The following KAZN variants were observed in gnomAD, a reference collection of about 807,000 sequenced individuals.
KAZN encodes the protein kazrin, periplakin interacting protein.
A neutral mutation model predicts 87.4 loss-of-function variants in KAZN; 40 were observed. That is an observed-to-expected ratio of 0.46 (90% CI 0.36 to 0.60). KAZN has a LOEUF of 0.60. KAZN is among the 20% of genes least tolerant of loss of function. The probability of loss-of-function intolerance (pLI) is 0.00; values close to 1 mark genes in which losing one functional copy is unlikely to be tolerated. For missense variants in KAZN, 898 were observed against 1,073.9 expected (o/e 0.84, Z 2.29); for synonymous variants, 466 against 458.3 (o/e 1.02, Z -0.22).
At chr1:15,075,369 A>G (rs1557781246) in intron 8 of KAZN, among the ~76,000 whole-genome samples, 1 of 152,194 alleles carries the variant, frequency 6.6e-6, no homozygotes, top group Non-Finnish European at 1.5e-5. Flanking sequence ...TTCACTTATT[A>G]AGGCTCTGAC....
intron 1 of KAZN, among the ~76,000 whole-genome samples, chr1:14,762,908 A>G (rs554836620): frequency 6.6e-6 from 1 of 152,316 alleles, no homozygotes; most frequent in East Asian, 1.9e-4. Flanking sequence ...TTGAGATAGA[A>G]GGTGCCTTTA....
rs72639854 is a variant in KAZN, at chr1:15,050,321, T to A, written c.727-5770T>A. 8.6e-3 allele frequency among the ~76,000 whole-genome samples: 1,314 copies of A among 152,210 alleles called. 10 individuals carry two copies. The highest frequency in any genetic ancestry group is 0.03 in the East Asian group (156 of 5,156). ...CAGCGTTCACAGCTCTGTGCTGAGG[T>A]TGCTCTAGAGCCACCCTGTCCTCAG... On this transcript the variant is annotated intron_variant, in intron 4 of 14. Coordinates refer to ENST00000376030, the MANE Select transcript of KAZN (RefSeq NM_201628.3).
intron 2 of KAZN, among the ~76,000 whole-genome samples, chr1:14,534,460 C>T (rs1216065752): frequency 6.6e-6 from 1 of 152,122 alleles, no homozygotes; most frequent in Non-Finnish European, 1.5e-5. Flanking sequence ...GCCTGGCCAA[C>T]ATGGCGAAAC....
chr1:14,156,791 G>A (rs1026594517), intron 1 of KAZN, among the ~76,000 whole-genome samples: 1 of 152,044 alleles, frequency 6.6e-6, no homozygotes, highest in African/African-American at 2.4e-5. Flanking sequence ...AGGCCATTCA[G>A]CCACTCTATT....
chr1:14,756,107 G>C (rs939859706), intron 1 of KAZN, among the ~76,000 whole-genome samples: 12 of 152,150 alleles, frequency 7.9e-5, no homozygotes, highest in African/African-American at 2.9e-4. Context: ...CTCATAACAA[G>C]CCCATCACAA....
chr1:14,760,167 C>A (rs755835371), intron 1 of KAZN, among the ~76,000 whole-genome samples: 1 of 152,114 alleles, frequency 6.6e-6, no homozygotes, highest in Non-Finnish European at 1.5e-5. Context: ...GCTCGCCTGG[C>A]TTCCCTTCCT....
At chr1:14,786,278 G>T (rs1007799272) in intron 1 of KAZN, among the ~76,000 whole-genome samples, 2 of 152,026 alleles carry the variant, frequency 1.3e-5, no homozygotes, top group African/African-American at 2.4e-5. Context: ...TAGCTCAGGC[G>T]CCTGCTCTCC....
intron 1 of KAZN, among the ~76,000 whole-genome samples, chr1:14,741,450 A>G (rs1644096269): frequency 6.6e-6 from 1 of 152,218 alleles, no homozygotes; most frequent in Admixed American, 6.5e-5. Flanking sequence ...TTAGAGTTCT[A>G]ACAGTTCCAG....
intron 1 of KAZN, among the ~76,000 whole-genome samples, chr1:13,995,624 G>T (rs10927982): frequency 1.3e-5 from 2 of 152,058 alleles, no homozygotes; most frequent in African/African-American, 4.8e-5. Flanking sequence ...GATTTGACAC[G>T]ATCCCAATCA....
At chr1:15,015,243 C>T (rs1271824214) in intron 2 of KAZN, among the ~76,000 whole-genome samples, 1 of 151,946 alleles carries the variant, frequency 6.6e-6, no homozygotes, top group Non-Finnish European at 1.5e-5. Flanking sequence ...ACCTCTGCCT[C>T]CCAGGTTCAA....
intron 2 of KAZN, among the ~76,000 whole-genome samples, chr1:14,269,882 G>A (rs1181146212): frequency 6.6e-6 from 1 of 152,166 alleles, no homozygotes; most frequent in Admixed American, 6.5e-5. Flanking sequence ...TTTATCCAGT[G>A]TTCATAGTAT....
intron 2 of KAZN, among the ~76,000 whole-genome samples, chr1:14,429,050 T>A (rs1386834711): frequency 2.0e-5 from 3 of 152,180 alleles, no homozygotes; most frequent in Admixed American, 6.5e-5. Flanking sequence ...AATATCTAGG[T>A]CCTTATTGAT....
At chr1:14,699,184 C>T (rs1218289821) in intron 1 of KAZN, among the ~76,000 whole-genome samples, 4 of 150,128 alleles carry the variant, frequency 2.7e-5, no homozygotes, top group Non-Finnish European at 5.9e-5. Context: ...GAGGAGACAA[C>T]AATTTAGCTG....
intron 1 of KAZN, among the ~76,000 whole-genome samples, chr1:14,934,786 A>G (rs1660259818): frequency 6.6e-6 from 1 of 152,112 alleles, no homozygotes; most frequent in Non-Finnish European, 1.5e-5. Context: ...TAAATACTCA[A>G]TTGCCCATCC....
At chr1:14,320,115 A>C (rs183480954) in intron 2 of KAZN, among the ~76,000 whole-genome samples, 1 of 152,308 alleles carries the variant, frequency 6.6e-6, no homozygotes, top group Admixed American at 6.5e-5. Context: ...ATAGGATAGT[A>C]AGGACAAAGT....
intron 1 of KAZN, among the ~76,000 whole-genome samples, chr1:14,123,874 C>T (rs1425522891): frequency 1.3e-5 from 2 of 152,130 alleles, no homozygotes; most frequent in South Asian, 2.1e-4. Flanking sequence ...CCATCCATGC[C>T]GCCACCCTCT....
rs528540210 is a variant in KAZN, at chr1:14,847,757, G to A, written c.227-112927G>A. Among the ~76,000 whole-genome samples the A allele has an allele frequency of 1.2e-4, 18 of 152,330 alleles. No homozygotes were observed. In the East Asian group the frequency reaches 3.5e-3, roughly 29 times the overall value. On this transcript the variant is annotated intron_variant, in intron 1 of 14. Transcript: ENST00000376030. ...CCACTTTGGGAAGCCGAGGTGGGAG[G>A]ATCAGTTGAGGCCAGGAGTTGGAGA...
At chr1:14,470,312 C>T (rs1668385574) in intron 2 of KAZN, among the ~76,000 whole-genome samples, 1 of 152,142 alleles carries the variant, frequency 6.6e-6, no homozygotes, top group Non-Finnish European at 1.5e-5. Flanking sequence ...TAAGTAAACC[C>T]TTAGCACTTG....
chr1:14,107,363 TTTTG>T lies in KAZN; in HGVS notation c.92-73048_92-73045del, dbSNP rs143992993. On this transcript the variant is annotated intron_variant, in intron 1 of 16. Transcript: ENST00000636203. ...TCTTTCCCATTAGCCCAAGATGGTT[TTTTG>T]TTTGTTTGTTTGTTTGTTTGTTTTT... 2.1e-3 allele frequency among the ~76,000 whole-genome samples: 321 copies of T among 151,534 alleles called. 4 individuals carry two copies. The East Asian group carries it at 0.028, about 13-fold the overall frequency.
Sources: gnomAD v4.1 joint callset for allele counts (sites outside exome capture counted in the v4.1 genomes callset) on GRCh38, gnomAD v4.1.1 for gene constraint, MANE v1.5 for transcripts, NCBI Gene and HGNC (gene_info 2026-07-23, HGNC 2026-07-21) for gene names.